The following RAMP1 variants were observed in gnomAD, a reference collection of about 807,000 sequenced individuals.
The protein encoded by RAMP1 is receptor activity modifying protein 1.
Under a neutral mutation model 8.2 loss-of-function variants are expected in RAMP1, and 7 were observed. The observed-to-expected ratio is 0.85, with a 90% CI of 0.49 to 1.60. The LOEUF is 1.60. Among genes scored for constraint, RAMP1 ranks in the 40% most tolerant of loss-of-function variants. The pLI, the probability that RAMP1 is intolerant of heterozygous loss-of-function variation, is 0.00. For synonymous variants in RAMP1, 92 were observed against 84.7 expected, an observed-to-expected ratio of 1.09 and a Z score of -0.47; for missense variants, 192 against 202.4, an observed-to-expected ratio of 0.95 and a Z score of 0.31.
At chr2:237,898,877 C>T (rs2062570495) in intron 2 of RAMP1, among the ~76,000 whole-genome samples, 1 of 152,228 alleles carries the variant, frequency 6.6e-6, no homozygotes, top group Non-Finnish European at 1.5e-5. Flanking sequence ...AGTAAGTGGC[C>T]AGCCCCTCCC....
chr2:237,904,112 T>C (rs1456561468), intron 2 of RAMP1, among the ~76,000 whole-genome samples: 1 of 152,228 alleles, frequency 6.6e-6, no homozygotes, highest in African/African-American at 2.4e-5. Context: ...TAGTCATTTG[T>C]ATTTCTAGAA....
In RAMP1 at chr2:237,877,749, C is replaced by T. The variant is rs1441928164; in HGVS notation, c.191+387C>T. ...ACGTCCCTGCTGATTCCCTCTGTCC[C>T]TGTGGTCAGGCCAAAGCTGTCCTTC... is the stretch of plus-strand genomic sequence containing the variant. On this transcript the variant is annotated intron_variant, in intron 2 of 2. Coordinates refer to ENST00000254661, the MANE Select transcript of RAMP1 (RefSeq NM_005855.4). The surrounding 1 kb of genome is among the most constrained non-coding windows in gnomAD (Gnocchi z 4.4). 6.6e-6 allele frequency among the ~76,000 whole-genome samples: 1 copy of T among 152,174 alleles called. No individual in the cohort carries two copies. Among genetic ancestry groups the T allele is most frequent in the East Asian group, 1.9e-4 (1 of 5,186 alleles).
chr2:237,897,404 G>A (rs1020143858), intron 2 of RAMP1, among the ~76,000 whole-genome samples: 6 of 152,226 alleles, frequency 3.9e-5, no homozygotes, highest in Admixed American at 6.5e-5. Context: ...CAGTCACTGC[G>A]AGTGTTGCAG....
At chr2:237,866,894 A>T (rs1253749774) in intron 1 of RAMP1, among the ~76,000 whole-genome samples, 1 of 151,892 alleles carries the variant, frequency 6.6e-6, no homozygotes, top group East Asian at 1.9e-4. Flanking sequence ...ATGCCCGGCA[A>T]ATTTTTGTAT....
chr2:237,882,373 A>G (rs1160161007), intron 2 of RAMP1, among the ~76,000 whole-genome samples: 2 of 152,174 alleles, frequency 1.3e-5, no homozygotes, highest in Non-Finnish European at 2.9e-5. Flanking sequence ...GCTGGCGTTT[A>G]TTACCGCGTG....
rs547191438 is a variant in RAMP1 at position 237,908,360 on chromosome 2, C to T, written c.192-3168C>T. Among the ~76,000 whole-genome samples the T allele has an allele frequency of 5.3e-4, 79 of 150,078 alleles. 1 individual carries two copies. The highest frequency in any genetic ancestry group is 1.3e-3 in the African/African-American group (53 of 41,098). ...CCCTCTTCCCTGTGGCAAACTCTGT[C>T]GGGGTCTTGGGTGTGACTGTCCTGT... On this transcript the variant is annotated intron_variant, in intron 2 of 2. Coordinates refer to ENST00000254661, the MANE Select transcript of RAMP1 (RefSeq NM_005855.4).
intron 1 of RAMP1, among the ~76,000 whole-genome samples, chr2:237,873,105 T>C (rs1342815916): frequency 6.6e-6 from 1 of 152,214 alleles, no homozygotes; most frequent in Non-Finnish European, 1.5e-5. Context: ...ACTAGCATCC[T>C]GGACTGGCTG....
At chr2:237,876,083 G>A (rs1372083357) in intron 1 of RAMP1, among the ~76,000 whole-genome samples, 2 of 152,184 alleles carry the variant, frequency 1.3e-5, no homozygotes, top group South Asian at 2.1e-4. Flanking sequence ...AGGCGGCTGT[G>A]TGTGAAGAGC....
At chr2:237,875,835 C>T (rs1328975757) in intron 1 of RAMP1, among the ~76,000 whole-genome samples, 1 of 152,048 alleles carries the variant, frequency 6.6e-6, no homozygotes, top group Admixed American at 6.5e-5. Context: ...GCAACAGCAC[C>T]CCCACCCCAC....
chr2:237,859,815 G>T, intron 1 of RAMP1, 88 bp downstream of exon 1: 3 of 1,174,254 alleles, frequency 2.6e-6, no homozygotes, highest in Non-Finnish European at 2.2e-6. Context: ...GGTGGGAGCG[G>T]GTGGGAGCGG....
At chr2:237,883,111 C>T (rs1438710773) in intron 2 of RAMP1, among the ~76,000 whole-genome samples, 1 of 152,102 alleles carries the variant, frequency 6.6e-6, no homozygotes, top group African/African-American at 2.4e-5. Flanking sequence ...GTATCCAAAA[C>T]CAGGCTGGCA....
chr2:237,889,760 T>TGGAACTA (rs529586019), intron 2 of RAMP1, among the ~76,000 whole-genome samples: 81 of 152,348 alleles, frequency 5.3e-4, no homozygotes, highest in African/African-American at 1.1e-3. Context: ...CCCAAATAGC[T>TGGAACTA]GGAACTACAG....
chr2:237,909,051 C>T (rs2062681712), intron 2 of RAMP1, among the ~76,000 whole-genome samples: 1 of 152,140 alleles, frequency 6.6e-6, no homozygotes, highest in African/African-American at 2.4e-5. Flanking sequence ...TCAGCACCTG[C>T]CCTAGAGGCA....
In RAMP1 at chr2:237,877,918, G is replaced by A. The variant is rs560965304; in HGVS notation, c.191+556G>A. 1.2e-5 allele frequency: 12 copies of A among 981,074 alleles called. No individual in the cohort carries two copies. The East Asian group carries it at 1.0e-3, about 84-fold the overall frequency. 60.8% of individuals were successfully genotyped at this position (981,074 alleles called of 1,614,324 possible). A position where few individuals can be genotyped will look rare whatever the true frequency, so the allele number is the denominator to read the frequency against. Reference sequence around the variant, plus strand: ...CCAAGGGCCCTTCTTCCCGCTTGAGGGGCTCCCTCATTGCCTCCCTCAGCC... The same window carrying A: ...CCAAGGGCCCTTCTTCCCGCTTGAGAGGCTCCCTCATTGCCTCCCTCAGCC... On this transcript the variant is annotated intron_variant, in intron 2 of 2. Coordinates refer to ENST00000254661, the MANE Select transcript of RAMP1 (RefSeq NM_005855.4). This position sits in a 1 kb window ranked among gnomAD's most constrained non-coding sequence, Gnocchi z 4.4.
At chr2:237,899,478 C>A (rs527830162) in intron 2 of RAMP1, among the ~76,000 whole-genome samples, 1 of 152,310 alleles carries the variant, frequency 6.6e-6, no homozygotes, top group East Asian at 1.9e-4. Context: ...AATGCCTTCT[C>A]AATGCGTATT....
chr2:237,908,188 C>T (rs562501497), intron 2 of RAMP1, among the ~76,000 whole-genome samples: 5 of 152,356 alleles, frequency 3.3e-5, no homozygotes, highest in African/African-American at 1.2e-4. Flanking sequence ...CAGCATGGAT[C>T]TTACCCCACT....
chr2:237,903,167 G>T (rs2062621878), intron 2 of RAMP1, among the ~76,000 whole-genome samples: 1 of 152,082 alleles, frequency 6.6e-6, no homozygotes, highest in African/African-American at 2.4e-5. Flanking sequence ...CCCAGCTTTA[G>T]AACATAAATG....
At position 237,862,327 on chromosome 2, in the gene RAMP1, A is replaced by G. The variant is rs2062140736; in HGVS notation, c.52+2600A>G. Reference sequence around the variant, plus strand: ...GTTAATCAACTCAGTGTGTTTGTTTACCCTCTCTGTGTGTCTAGCTGCAGG... The same window carrying G: ...GTTAATCAACTCAGTGTGTTTGTTTGCCCTCTCTGTGTGTCTAGCTGCAGG... On this transcript the variant is annotated intron_variant, in intron 1 of 2. Coordinates refer to ENST00000254661, the MANE Select transcript of RAMP1 (RefSeq NM_005855.4). The surrounding 1 kb of genome is among the most constrained non-coding windows in gnomAD (Gnocchi z 4.0). 6.6e-6 allele frequency among the ~76,000 whole-genome samples: 1 copy of G among 151,788 alleles called. No individual in the cohort carries two copies. The highest frequency in any genetic ancestry group is 2.1e-4 in the South Asian group (1 of 4,784).
chr2:237,864,552 T>C (rs1156288072), intron 1 of RAMP1, among the ~76,000 whole-genome samples: 1 of 152,120 alleles, frequency 6.6e-6, no homozygotes, highest in Non-Finnish European at 1.5e-5. Context: ...GAAACACCCA[T>C]CTGCCACCTC....
Sources: allele counts gnomAD v4.1 joint callset (sites outside exome capture counted in the v4.1 genomes callset), GRCh38; gene constraint gnomAD v4.1.1; non-coding constraint Gnocchi (gnomAD v3.1); transcripts MANE v1.5; gene names NCBI Gene and HGNC (gene_info 2026-07-23, HGNC 2026-07-21).